The following OTOP3 variants were observed in gnomAD, a reference collection of about 807,000 sequenced individuals.
OTOP3 encodes proton channel OTOP3.
OTOP3 carries 41 observed loss-of-function variants against 50.8 expected under a neutral mutation model. That is an observed-to-expected ratio of 0.81 (90% CI 0.63 to 1.05). OTOP3 has a LOEUF of 1.05. Among genes scored for constraint, OTOP3 ranks in the 50% least tolerant of loss-of-function variants. OTOP3 has a pLI of 0.00. For missense variants in OTOP3, 788 were observed against 760.8 expected, an observed-to-expected ratio of 1.04 and a Z score of -0.42; for synonymous variants, 320 against 324.4, an observed-to-expected ratio of 0.99 and a Z score of 0.14.
rs746136583 is a variant in OTOP3, at chr17:74,941,445, A to G, written c.72A>G (p.Ala24=). ...CTTCAGAAGCACAGGAGACTGAAGC[A>G]GCCCCGGAGAAGGAGAACCGAGTGG... ...MPSSEAQETE[A]APEKENRVDV... The change falls in exon 2 of 7, where the codon GCA becomes GCG. Residue 24 remains alanine, a synonymous_variant. Coordinates refer to ENST00000328801, the MANE Select transcript of OTOP3 (RefSeq NM_001272005.2). 3 of 1,587,018 alleles carry G rather than the reference A, an allele frequency of 1.9e-6. No homozygotes were observed. The highest frequency in any genetic ancestry group is 2.7e-5 in the African/African-American group (2 of 74,304).
chr17:74,941,873 G>A, intron 2 of OTOP3, 28 bp from the exon 3 acceptor site: 1 of 1,592,324 alleles, frequency 6.3e-7, no homozygotes, highest in Non-Finnish European at 8.6e-7. Flanking sequence ...CCGCGCAGGT[G>A]CCAACGCCCG....
Position 74,947,377 on chromosome 17 carries a change from C to T in OTOP3, c.1468C>T (p.Arg490Trp), listed in dbSNP as rs372116266. The T allele has an allele frequency of 2.2e-4, 350 of 1,613,080 alleles. 3 individuals carry two copies. The South Asian group carries it at 3.2e-3, about 15-fold the overall frequency. ...GCTGGAGCTGGGCCAGGGCCTGCAG[C>T]GGGCCTCACTGGCCTACATCCACTC... The part of the protein sequence containing the change: ...SLLELGQGLQ[R>W]ASLAYIHSYS... Residue 490 changes from arginine (R) to tryptophan (W), a missense_variant, in exon 6 of 7, where the codon CGG becomes TGG. Coordinates refer to ENST00000328801, the MANE Select transcript of OTOP3 (RefSeq NM_001272005.2).
chr17:74,942,488 G>A (rs919729486), intron 3 of OTOP3, among the ~76,000 whole-genome samples: 90 of 152,004 alleles, frequency 5.9e-4, no homozygotes, highest in African/African-American at 2.0e-3. Flanking sequence ...AAAATTAGCC[G>A]GGTGTGGTGG....
rs2039177651 is a variant in OTOP3 at position 74,941,793 on chromosome 17, G to A, written c.420G>A (p.Gly140=). The A allele has an allele frequency of 6.2e-7, 1 of 1,609,700 alleles. No individual in the cohort carries two copies. The highest frequency in any genetic ancestry group is 8.5e-7 in the Non-Finnish European group (1 of 1,177,702). The part of the protein sequence containing the change: ...HAVLYQDPHA[G]PLWVRGSLVL... ...TGCTCTACCAAGATCCCCACGCGGGGCCCCTCTGGGTGCGGGGTGAGTGTC... is the reference window on the plus strand; with the variant it reads ...TGCTCTACCAAGATCCCCACGCGGGACCCCTCTGGGTGCGGGGTGAGTGTC... Residue 140 remains glycine, a synonymous_variant, in exon 2 of 7, where the codon GGG becomes GGA. Coordinates refer to ENST00000328801, the MANE Select transcript of OTOP3 (RefSeq NM_001272005.2).
rs554808055 is a variant in OTOP3 at position 74,935,989 on chromosome 17, A to G, written c.19+49A>G. The G allele has an allele frequency of 4.6e-5, 71 of 1,535,996 alleles. No homozygotes were observed. The South Asian group carries it at 7.7e-4, about 17-fold the overall frequency. ...CTTTCCCAGCTTGCGCACCCCAGACACTGGCACATACTACCCACCCCCCCA... is the reference window on the plus strand; with the variant it reads ...CTTTCCCAGCTTGCGCACCCCAGACGCTGGCACATACTACCCACCCCCCCA... On this transcript the variant is annotated intron_variant, in intron 1 of 6. Transcript: ENST00000328801.
rs992472156 is a variant in OTOP3, at chr17:74,949,729, G to A, written c.*313G>A. The A allele has an allele frequency of 6.1e-6, 2 of 327,768 alleles. No homozygotes were observed. Among genetic ancestry groups the A allele is most frequent in the Non-Finnish European group, 1.1e-5 (2 of 177,540 alleles). 20.3% of individuals were successfully genotyped at this position (327,768 alleles called of 1,614,324 possible). ...GGGGCCCCCTCACGGCTACTCTGTG[G>A]GAGGGTCAGACCTACATGACCGAGT... On this transcript the variant is annotated 3_prime_UTR_variant, in exon 7 of 7. Coordinates refer to ENST00000328801, the MANE Select transcript of OTOP3 (RefSeq NM_001272005.2).
chr17:74,946,699 G>T lies in OTOP3; in HGVS notation c.790G>T (p.Ala264Ser). 2 of 1,612,362 alleles carry T rather than the reference G, an allele frequency of 1.2e-6. No individual in the cohort carries two copies. Among genetic ancestry groups the T allele is most frequent in the Non-Finnish European group, 8.5e-7 (1 of 1,179,542 alleles). The change falls in exon 6 of 7, where the codon GCG (alanine) becomes TCG (serine). Residue 264 changes from alanine (A) to serine (S), a missense_variant. By Grantham distance (99) the Ala-to-Ser change is moderately conservative (BLOSUM62 1). Transcript: ENST00000328801. ...TNTCLCLNAT[A>S]CEAFRRGFLM... ...CACCTGTCTGTGCCTCAATGCCACC[G>T]CGTGTGAAGCTTTCCGGAGAGGCTT...
chr17:74,943,757 G>T, intron 5 of OTOP3, 33 bp downstream of exon 5: 1 of 1,293,670 alleles, frequency 7.7e-7, no homozygotes, highest in South Asian at 1.2e-5. Flanking sequence ...TCCTTGCCCT[G>T]AAACACACAC....
In OTOP3 at chr17:74,941,934, GC is replaced by G. The variant is rs771263820; in HGVS notation, c.472del (p.Leu158SerfsTer10). 1.2e-6 allele frequency: 2 copies of G among 1,612,458 alleles called. No individual in the cohort carries two copies. Among genetic ancestry groups the G allele is most frequent in the South Asian group, 2.2e-5 (2 of 90,938 alleles). ...GTGCTCTTCGGCAGCTGCACCTTCTGCCTCAACATCTTCCGAGTGGGCTACG... is the reference window on the plus strand; with the variant it reads ...GTGCTCTTCGGCAGCTGCACCTTCTGCTCAACATCTTCCGAGTGGGCTACG... ...SLVLFGSCTF[C>X]LNIFRVGYDV... On this transcript the variant is annotated frameshift_variant, in exon 3 of 7. Transcript: ENST00000328801. LOFTEE classifies it high-confidence loss of function.
intron 6 of OTOP3, among the ~76,000 whole-genome samples, 176 bp from the exon 7 acceptor site, chr17:74,949,070 G>C (rs114688852): frequency 3.9e-5 from 6 of 152,112 alleles, no homozygotes; most frequent in Admixed American, 1.3e-4. Context: ...GCAGTAGGGC[G>C]AGAAAGATCT....
rs749922687 is a variant in OTOP3 at position 74,946,710 on chromosome 17, T to C, written c.801T>C (p.Ala267=). ...GCCTCAATGCCACCGCGTGTGAAGCTTTCCGGAGAGGCTTCCTGATGCTCT... is the reference window on the plus strand; with the variant it reads ...GCCTCAATGCCACCGCGTGTGAAGCCTTCCGGAGAGGCTTCCTGATGCTCT... The part of the protein sequence containing the change: ...CLCLNATACE[A]FRRGFLMLYP... Residue 267 remains alanine, a synonymous_variant, in exon 6 of 7, where the codon GCT becomes GCC. Transcript: ENST00000328801. 2 of 1,613,090 alleles carry C rather than the reference T, an allele frequency of 1.2e-6. No individual in the cohort carries two copies. Among genetic ancestry groups the C allele is most frequent in the Non-Finnish European group, 8.5e-7 (1 of 1,179,882 alleles).
intron 5 of OTOP3, among the ~76,000 whole-genome samples, chr17:74,946,046 T>C (rs1198528562): frequency 6.6e-6 from 1 of 152,090 alleles, no homozygotes; most frequent in Non-Finnish European, 1.5e-5. Flanking sequence ...GGCACAATCT[T>C]GGCTCACTGC....
rs902617352 is a variant in OTOP3, at chr17:74,949,372, A to G, written c.1693A>G (p.Met565Val). Residue 565 changes from methionine to valine, a missense_variant, in exon 7 of 7, where the codon ATG becomes GTG. Physicochemically the swap from Met to Val is conservative, Grantham distance 21. Coordinates refer to ENST00000328801, the MANE Select transcript of OTOP3 (RefSeq NM_001272005.2). ...FGLPLGVFYR[M>V]HSVGGLVEVY... ...CCTGCCTCTGGGGGTCTTCTACCGC[A>G]TGCACTCTGTGGGAGGCCTGGTGGA... is the stretch of plus-strand genomic sequence containing the variant. 5.0e-6 allele frequency: 8 copies of G among 1,613,816 alleles called. No individual in the cohort carries two copies. The highest frequency in any genetic ancestry group is 6.8e-6 in the Non-Finnish European group (8 of 1,179,960).
At position 74,949,539 on chromosome 17, in the gene OTOP3, T is replaced by C; in HGVS notation, c.*123T>C. ...GCCTGAGGCTCTCAAGGCCTCCTGC[T>C]CCCCAGAGCCTCACTGAAGGGGAGG... On this transcript the variant is annotated 3_prime_UTR_variant, in exon 7 of 7. Transcript: ENST00000328801. The C allele has an allele frequency of 4.4e-6, 5 of 1,138,952 alleles. No homozygotes were observed. The highest frequency in any genetic ancestry group is 6.1e-6 in the Non-Finnish European group (5 of 819,812). The allele number at this position is 1,138,952 out of a possible 1,614,324, so 70.6% of individuals were successfully genotyped here.
chr17:74,942,769 G>A (rs1598605135), intron 3 of OTOP3, among the ~76,000 whole-genome samples: 1 of 151,668 alleles, frequency 6.6e-6, no homozygotes, highest in Non-Finnish European at 1.5e-5. Context: ...GTGAAACCCT[G>A]TCTCTACCAA....
At position 74,935,958 on chromosome 17, in the gene OTOP3, G is replaced by A. The variant is rs767908040; in HGVS notation, c.19+18G>A. ...GGCCTCAGGTAAGCCCGGAGCGCCG[G>A]CGGAACTTTCCCAGCTTGCGCACCC... is the stretch of plus-strand genomic sequence containing the variant. On this transcript the variant is annotated intron_variant, in intron 1 of 6. Coordinates refer to ENST00000328801, the MANE Select transcript of OTOP3 (RefSeq NM_001272005.2). The A allele has an allele frequency of 7.8e-6, 12 of 1,541,096 alleles. 1 individual carries two copies. In the South Asian group the frequency reaches 1.4e-4, roughly 18 times the overall value.
chr17:74,949,709 C>T lies in OTOP3; in HGVS notation c.*293C>T, dbSNP rs1006127001. 1.1e-5 allele frequency: 4 copies of T among 372,172 alleles called. No homozygotes were observed. Among genetic ancestry groups the T allele is most frequent in the Non-Finnish European group, 1.9e-5 (4 of 205,566 alleles). The allele number at this position is 372,172 out of a possible 1,614,324, so 23.1% of individuals were successfully genotyped here. On this transcript the variant is annotated 3_prime_UTR_variant, in exon 7 of 7. Transcript: ENST00000328801. ...TGCACCCCAGGAGGCTGGCAGGGGC[C>T]CCCTCACGGCTACTCTGTGGGAGGG... is the stretch of plus-strand genomic sequence containing the variant.
In OTOP3 at chr17:74,947,465, G is replaced by T; in HGVS notation, c.1556G>T (p.Cys519Phe). 1 of 1,599,078 alleles carries T rather than the reference G, an allele frequency of 6.3e-7. No homozygotes were observed. Among genetic ancestry groups the T allele is most frequent in the South Asian group, 1.1e-5 (1 of 89,606 alleles). The change falls in exon 6 of 7, where the codon TGC becomes TTC. Residue 519 changes from cysteine (C) to phenylalanine (F), a missense_variant. By Grantham distance (205) the Cys-to-Phe change is radical. Transcript: ENST00000328801. ...LKEISLFLIL[C>F]NITLWMMPAF... ...GAGATCTCACTCTTCCTCATCCTCT[G>T]CAATATCACAGTAAGTGGCTGGGCT...
chr17:74,944,486 G>T (rs2039207253), intron 5 of OTOP3, among the ~76,000 whole-genome samples: 2 of 152,252 alleles, frequency 1.3e-5, no homozygotes, highest in Non-Finnish European at 2.9e-5. Flanking sequence ...GCTGGGCACA[G>T]TGGCTCACGC....
Sources: allele counts gnomAD v4.1 joint callset (sites outside exome capture counted in the v4.1 genomes callset), GRCh38; gene constraint gnomAD v4.1.1; transcripts MANE v1.5; gene names NCBI Gene and HGNC (gene_info 2026-07-23, HGNC 2026-07-21).